CUBN: variants seen among roughly 807,000 people sequenced by gnomAD.
The protein encoded by CUBN is cubilin.
A neutral mutation model predicts 405.3 loss-of-function variants in CUBN; 282 were observed. The observed-to-expected ratio is 0.70, with a 90% confidence interval of 0.63 to 0.77. The LOEUF is 0.77. Ranked by LOEUF, CUBN falls within the 30% of genes least tolerant of loss-of-function variation. CUBN has a pLI of 0.00. For synonymous variants in CUBN, 1,684 were observed against 1,617.0 expected (o/e 1.04, Z -0.99); for missense variants, 4,514 against 4,475.2 (o/e 1.01, Z -0.25).
At chr10:17,062,250 G>C (rs1835519912) in intron 22 of CUBN, among the ~76,000 whole-genome samples, 1 of 152,026 alleles carries the variant, frequency 6.6e-6, no homozygotes, top group Admixed American at 6.6e-5. Context: ...GAAAAGCACT[G>C]GACTAGATGT....
In CUBN at chr10:16,869,557, T is replaced by TC. The variant is rs1231299327; in HGVS notation, c.9454+78_9454+79insG. 4.2e-3 allele frequency: 2,959 copies of TC among 708,578 alleles called. 35 individuals are homozygous for TC. In the African/African-American group the frequency reaches 0.064, roughly 15 times the overall value. The allele number at this position is 708,578 out of a possible 1,614,324, so 43.9% of individuals were successfully genotyped here. ...AAAAGCAATCATAATCAGGTGGGGGTGGGGGGGGGGCGGGGAAATTAAATA... is the reference window on the plus strand; with the variant it reads ...AAAAGCAATCATAATCAGGTGGGGGTCGGGGGGGGGGCGGGGAAATTAAATA... On this transcript the variant is annotated intron_variant, in intron 59 of 66. Coordinates refer to ENST00000377833, the MANE Select transcript of CUBN (RefSeq NM_001081.4).
intron 59 of CUBN, among the ~76,000 whole-genome samples, chr10:16,860,517 C>A (rs1839983812): frequency 6.6e-6 from 1 of 152,230 alleles, no homozygotes; most frequent in Admixed American, 6.5e-5. Context: ...GATGTTTCTA[C>A]TGAGCTTCTA....
chr10:17,060,615 G>C (rs554696053), intron 22 of CUBN, among the ~76,000 whole-genome samples: 3 of 152,328 alleles, frequency 2.0e-5, no homozygotes, highest in South Asian at 4.1e-4. Flanking sequence ...ACACTAGCCA[G>C]TAAGAAAGTA....
intron 42 of CUBN, 60 bp from the exon 43 acceptor site, chr10:16,925,484 A>C: frequency 6.2e-7 from 1 of 1,604,970 alleles, no homozygotes; most frequent in Non-Finnish European, 8.5e-7. Context: ...GGAGTACGCA[A>C]TTCTTATCCA....
Position 17,115,513 on chromosome 10 carries a change from G to C in CUBN, c.678C>G (p.Val226=). ...GCATTAAATCCTCACAGATGCCATGGACACAGCGTGCCACAGAACCCCCTT... is the reference window on the plus strand; with the variant it reads ...GCATTAAATCCTCACAGATGCCATGCACACAGCGTGCCACAGAACCCCCTT... The part of the protein sequence containing the change: ...DCEGGSVARC[V]HGICEDLMRE... Residue 226 remains valine (V), a synonymous_variant, in exon 7 of 67, where the codon GTC becomes GTG. Transcript: ENST00000377833. The C allele has an allele frequency of 6.2e-7, 1 of 1,614,070 alleles. No individual in the cohort carries two copies. The highest frequency in any genetic ancestry group is 8.5e-7 in the Non-Finnish European group (1 of 1,180,000).
At chr10:16,984,030 GT>G in intron 30 of CUBN, 74 bp downstream of exon 30, 2 of 1,527,860 alleles carry the variant, frequency 1.3e-6, no homozygotes, top group Non-Finnish European at 1.8e-6. Flanking sequence ...GCCTTCATAC[GT>G]TTTCCCAAGC....
chr10:17,103,074 A>G (rs1349296766), intron 13 of CUBN, 51 bp downstream of exon 13: 4 of 978,286 alleles, frequency 4.1e-6, no homozygotes, highest in East Asian at 5.2e-5. Flanking sequence ...CATACTCCAT[A>G]TTTATATATA....
chr10:16,826,489 CTG>C (rs1838787818), intron 66 of CUBN, among the ~76,000 whole-genome samples: 1 of 152,104 alleles, frequency 6.6e-6, no homozygotes, highest in Non-Finnish European at 1.5e-5. Flanking sequence ...AGAGCTACCT[CTG>C]TACTTCATGT....
intron 40 of CUBN, among the ~76,000 whole-genome samples, chr10:16,930,685 C>A (rs1488311640): frequency 6.6e-6 from 1 of 152,104 alleles, no homozygotes; most frequent in Non-Finnish European, 1.5e-5. Context: ...CATTTTGAAC[C>A]ATGGCAACTC....
At position 16,920,235 on chromosome 10, in the gene CUBN, T is replaced by A. The variant is rs12260820; in HGVS notation, c.6647-98A>T. 1.6e-3 allele frequency: 1,969 copies of A among 1,232,244 alleles called. 15 individuals are homozygous for A. The African/African-American group carries it at 0.026, about 16-fold the overall frequency. The allele number at this position is 1,232,244 out of a possible 1,614,324, so 76.3% of individuals were successfully genotyped here. On this transcript the variant is annotated intron_variant, in intron 43 of 66. Coordinates refer to ENST00000377833, the MANE Select transcript of CUBN (RefSeq NM_001081.4). ...TTAAAGTCGACTTCTCTGTATTTTG[T>A]CTCCATTTCCTTTCATCTGTTATGA...
intron 27 of CUBN, among the ~76,000 whole-genome samples, chr10:17,038,762 G>A (rs960224343): frequency 6.6e-6 from 1 of 152,160 alleles, no homozygotes; most frequent in African/African-American, 2.4e-5. Flanking sequence ...TATTGCTCTG[G>A]TCTGGCCTCT....
chr10:17,056,968 G>A (rs540432805), intron 22 of CUBN, among the ~76,000 whole-genome samples: 143 of 152,200 alleles, frequency 9.4e-4, no homozygotes, highest in Non-Finnish European at 1.7e-3. Flanking sequence ...TAGTCATCAG[G>A]GAAATGCAAA....
chr10:17,108,333 C>T (rs1836685850), intron 10 of CUBN, among the ~76,000 whole-genome samples: 1 of 152,026 alleles, frequency 6.6e-6, no homozygotes, highest in Non-Finnish European at 1.5e-5. Context: ...TGCTCCTAAC[C>T]ACTTTGGTAT....
chr10:16,939,051 A>G lies in CUBN; in HGVS notation c.5645T>C (p.Val1882Ala). ...YPHNSNYQWT[V>A]NVNASHVVHG... Reference sequence around the variant, plus strand: ...GACAACGTGAGATGCATTCACATTTACTGTCCATTGGTAATTGGAGTTATG... The same window carrying G: ...GACAACGTGAGATGCATTCACATTTGCTGTCCATTGGTAATTGGAGTTATG... Residue 1882 changes from valine (V) to alanine (A), a missense_variant, in exon 38 of 67, where the codon GTA becomes GCA. By Grantham distance (64) the Val-to-Ala change is moderately conservative. This residue lies in a region of CUBN where 1,613 missense variants were observed against 1,542.8 expected (regional missense o/e 1.05). Transcript: ENST00000377833. 1 of 1,613,270 alleles carries G rather than the reference A, an allele frequency of 6.2e-7. No individual in the cohort carries two copies. Among genetic ancestry groups the G allele is most frequent in the South Asian group, 1.1e-5 (1 of 91,070 alleles).
At chr10:17,015,087 T>A (rs573270064) in intron 28 of CUBN, among the ~76,000 whole-genome samples, 32 of 152,318 alleles carry the variant, frequency 2.1e-4, no homozygotes, top group African/African-American at 7.2e-4. Flanking sequence ...ACTCCTAGAA[T>A]TGGGGTGTTG....
intron 15 of CUBN, among the ~76,000 whole-genome samples, chr10:17,087,231 C>T (rs1242835682): frequency 6.6e-6 from 1 of 152,086 alleles, no homozygotes; most frequent in African/African-American, 2.4e-5. Flanking sequence ...TACAGGACAA[C>T]CTGGGAACTC....
rs774678845 is a variant in CUBN, at chr10:16,918,615, T to A, written c.7000+7A>T. ...ACCTAAAATAAAAGTTTTAAAAAAA[T>A]TATTACCTATAGAATACTTGGCCTT... On this transcript the variant is annotated splice_region_variant and intron_variant, in intron 45 of 66. Transcript: ENST00000377833. The A allele has an allele frequency of 6.8e-6, 11 of 1,610,186 alleles. No homozygotes were observed. Among genetic ancestry groups the A allele is most frequent in the Non-Finnish European group, 9.3e-6 (11 of 1,177,336 alleles).
chr10:16,898,242 T>C (rs767366886), intron 54 of CUBN, among the ~76,000 whole-genome samples: 1 of 152,092 alleles, frequency 6.6e-6, no homozygotes, highest in Non-Finnish European at 1.5e-5. Flanking sequence ...GCACTACCTA[T>C]GTTATTACAT....
At chr10:17,103,060 T>C in intron 13 of CUBN, 65 bp downstream of exon 13, 3 of 892,468 alleles carry the variant, frequency 3.4e-6, no homozygotes, top group Non-Finnish European at 5.5e-6. Flanking sequence ...TAATAAAATA[T>C]ACACATACTC....
Sources: gnomAD v4.1 joint callset for allele counts (sites outside exome capture counted in the v4.1 genomes callset) on GRCh38, gnomAD v4.1.1 for gene constraint, gnomAD v4.1.1 regional missense constraint, MANE v1.5 for transcripts, NCBI Gene and HGNC (gene_info 2026-07-23, HGNC 2026-07-21) for gene names.